BRF1: variants seen among roughly 807,000 people sequenced by gnomAD.
BRF1 encodes BRF1 general transcription factor IIIB subunit, also known as transcription factor IIIB 90 kDa subunit.
BRF1 carries 59 observed loss-of-function variants against 81.7 expected under a neutral mutation model. The ratio of observed to expected loss-of-function variants is 0.72; its 90% CI spans 0.59 to 0.90. BRF1 has a LOEUF of 0.90. Ranked by LOEUF, BRF1 falls within the 40% of genes least tolerant of loss-of-function variation. The pLI is 0.00. For missense variants in BRF1, 1,050 were observed against 936.3 expected (o/e 1.12, Z -1.58); for synonymous variants, 491 against 395.6 (o/e 1.24, Z -2.86).
chr14:105,217,450 C>T (rs587698967), intron 15 of BRF1, 94 bp downstream of exon 15: 29 of 1,544,208 alleles, frequency 1.9e-5, no homozygotes, highest in East Asian at 9.1e-5. Flanking sequence ...TCTGTGGCCC[C>T]GGCTGGCCCC....
At chr14:105,249,672 C>G (rs2055465853) in intron 5 of BRF1, 1 of 1,612,858 alleles carries the variant, frequency 6.2e-7, no homozygotes, top group African/African-American at 1.3e-5. Context: ...GATCTGGAAG[C>G]CGACACGGTG....
At chr14:105,303,807 T>C (rs765370179), upstream of BRF1, among the ~76,000 whole-genome samples, 6 of 152,266 alleles carry the variant, frequency 3.9e-5, no homozygotes, top group Non-Finnish European at 7.3e-5. Flanking sequence ...TTGATCTCTA[T>C]GCAAAATGCT....
chr14:105,229,112 C>A (rs961096520), intron 6 of BRF1, among the ~76,000 whole-genome samples, 199 bp from the exon 7 acceptor site: 5 of 152,234 alleles, frequency 3.3e-5, no homozygotes, highest in African/African-American at 9.6e-5. Context: ...TGGGTGGCGG[C>A]TGCACCCATT....
intron 1 of BRF1, among the ~76,000 whole-genome samples, chr14:105,289,214 A>G (rs1049935160): frequency 6.6e-6 from 1 of 151,722 alleles, no homozygotes; most frequent in Non-Finnish European, 1.5e-5. Context: ...ATGGTAGGGC[A>G]TGCCTGTGGT....
At chr14:105,229,010 A>G in intron 6 of BRF1, 97 bp from the exon 7 acceptor site, 1 of 1,124,184 alleles carries the variant, frequency 8.9e-7, no homozygotes, top group Non-Finnish European at 1.3e-6. Context: ...GGTCACGGAG[A>G]TGATGGCCTG....
intron 10 of BRF1, chr14:105,222,600 G>A (rs1892454360): frequency 6.6e-6 from 1 of 152,208 alleles, no homozygotes; most frequent in Non-Finnish European, 1.5e-5. Context: ...TTCCACGCAT[G>A]GTGCTAACCC....
At chr14:105,313,461 T>C (rs897253673) in intron 1 of BRF1, among the ~76,000 whole-genome samples, 7 of 152,090 alleles carry the variant, frequency 4.6e-5, no homozygotes, top group African/African-American at 1.7e-4. Context: ...CAGGGGCGCG[T>C]GGGAAACACA....
Position 105,219,060 on chromosome 14 carries a change from G to C in BRF1, c.1460-7C>G. 1 of 1,613,918 alleles carries C rather than the reference G, an allele frequency of 6.2e-7. No individual in the cohort carries two copies. Among genetic ancestry groups the C allele is most frequent in the Non-Finnish European group, 8.5e-7 (1 of 1,180,012 alleles). On this transcript the variant is annotated splice_region_variant and splice_polypyrimidine_tract_variant and intron_variant, in intron 13 of 17. Coordinates refer to ENST00000547530, the MANE Select transcript of BRF1 (RefSeq NM_001519.4). ...GCTATTCTTGCTTCTTTTTCTAAAA[G>C]TTCAGAAAGGGGGCCAGCGTCACTG...
Position 105,226,141 on chromosome 14 carries a change from C to A in BRF1, c.976G>T (p.Asp326Tyr). The A allele has an allele frequency of 6.2e-7, 1 of 1,613,972 alleles. No homozygotes were observed. Among genetic ancestry groups the A allele is most frequent in the Non-Finnish European group, 8.5e-7 (1 of 1,180,032 alleles). ...TTTTCTAGTTCAATCTCAATTGCAT[C>A]CTGGTAACTGGATATTTCACCTGAA... ...EVEGEISSYQ[D>Y]AIEIELENSR... is the part of the protein sequence containing the mutation. The change falls in exon 10 of 18, where the codon GAT (aspartate) becomes TAT (tyrosine). Residue 326 changes from aspartate to tyrosine, a missense_variant. Coordinates refer to ENST00000547530, the MANE Select transcript of BRF1 (RefSeq NM_001519.4).
intron 5 of BRF1, chr14:105,242,390 T>G (rs1182328679): frequency 1.3e-5 from 2 of 152,160 alleles, no homozygotes; most frequent in African/African-American, 4.8e-5. Context: ...AGATTTTTAA[T>G]GATTTTCAAT....
intron 2 of BRF1, among the ~76,000 whole-genome samples, chr14:105,285,735 A>C (rs1448294512): frequency 2.6e-5 from 4 of 152,242 alleles, no homozygotes; most frequent in Non-Finnish European, 5.9e-5. Context: ...AGAAAATGAA[A>C]AGAACGCATG....
In BRF1 at chr14:105,241,260, T is replaced by C. The variant is rs1333249910; in HGVS notation, c.694+5A>G. ...CATCCCCCAGGCAGGCAGGGCCCGCTGTACCTGCTCCGCAGAGGCCCGAGG... is the reference window on the plus strand; with the variant it reads ...CATCCCCCAGGCAGGCAGGGCCCGCCGTACCTGCTCCGCAGAGGCCCGAGG... On this transcript the variant is annotated splice_donor_5th_base_variant and intron_variant, in intron 6 of 17. Transcript: ENST00000547530. 2.5e-6 allele frequency: 4 copies of C among 1,610,804 alleles called. No homozygotes were observed. Among genetic ancestry groups the C allele is most frequent in the Non-Finnish European group, 3.4e-6 (4 of 1,179,640 alleles).
chr14:105,247,559 G>A (rs2055203953), intron 5 of BRF1: 3 of 985,310 alleles, frequency 3.0e-6, no homozygotes, highest in East Asian at 1.1e-4. Context: ...GACTCTCCCA[G>A]GGAACATTCA....
intron 2 of BRF1, among the ~76,000 whole-genome samples, chr14:105,281,725 T>C (rs953537523): frequency 6.6e-6 from 1 of 151,838 alleles, no homozygotes; most frequent in Non-Finnish European, 1.5e-5. Flanking sequence ...GAACCTAAAA[T>C]GCTCTAAAAA....
chr14:105,264,998 T>C (rs2056337382), intron 3 of BRF1, among the ~76,000 whole-genome samples: 1 of 151,922 alleles, frequency 6.6e-6, no homozygotes, highest in Non-Finnish European at 1.5e-5. Context: ...CTACCCAAGA[T>C]GTCTCCAACG....
chr14:105,295,852 G>C (rs2057716130), intron 1 of BRF1, among the ~76,000 whole-genome samples: 1 of 151,562 alleles, frequency 6.6e-6, no homozygotes, highest in East Asian at 1.9e-4. Flanking sequence ...GCCAAGGCAG[G>C]TGTATCACTT....
intron 1 of BRF1, among the ~76,000 whole-genome samples, chr14:105,314,220 C>T (rs952588034): frequency 2.0e-5 from 3 of 151,520 alleles, no homozygotes; most frequent in Non-Finnish European, 4.4e-5. Flanking sequence ...GCGGGGCCCG[C>T]ACAGCCGGGC....
At chr14:105,220,028 C>G in intron 12 of BRF1, 41 bp downstream of exon 12, 1 of 1,606,934 alleles carries the variant, frequency 6.2e-7, no homozygotes, top group South Asian at 1.1e-5. Flanking sequence ...GCAGCGCCCT[C>G]CCAAGCCCAG....
At position 105,315,043 on chromosome 14, in the gene BRF1, C is replaced by A; in HGVS notation, c.-162+279G>T. On this transcript the variant is annotated intron_variant, in intron 1 of 17. Transcript: ENST00000327359. The surrounding 1 kb of genome is among the most constrained non-coding windows in gnomAD (Gnocchi z 4.4). ...AGCCCCAGCTGCGTGCCCAGGTACGCGCCGCCCGCCGCGCTTTGTTCCCGC... is the reference window on the plus strand; with the variant it reads ...AGCCCCAGCTGCGTGCCCAGGTACGAGCCGCCCGCCGCGCTTTGTTCCCGC... 1 of 1,172,100 alleles carries A rather than the reference C, an allele frequency of 8.5e-7. No homozygotes were observed. The highest frequency in any genetic ancestry group is 4.1e-5 in the Admixed American group (1 of 24,370). The allele number at this position is 1,172,100 out of a possible 1,614,324, so 72.6% of individuals were successfully genotyped here. A position where few individuals can be genotyped will look rare whatever the true frequency, so the allele number is the denominator to read the frequency against.
Sources: allele counts gnomAD v4.1 joint callset (sites outside exome capture counted in the v4.1 genomes callset), GRCh38; gene constraint gnomAD v4.1.1; non-coding constraint Gnocchi (gnomAD v3.1); transcripts MANE v1.5; gene names NCBI Gene and HGNC (gene_info 2026-07-23, HGNC 2026-07-21).